The following PIERCE2 variants were observed in gnomAD, a reference collection of about 807,000 sequenced individuals.
PIERCE2 encodes piercer of microtubule wall 2.
chr15:55,416,413 ATTAAT>A, the PIERCE2 span, among the ~76,000 whole-genome samples: 66 of 152,194 alleles, frequency 4.3e-4, no homozygotes, highest in East Asian at 0.013. Context: ...AACTTGTTAT[ATTAAT>A]TTATCAAGCC....
chr15:55,416,412 T>A, the PIERCE2 span, among the ~76,000 whole-genome samples: 2 of 152,172 alleles, frequency 1.3e-5, no homozygotes, highest in African/African-American at 4.8e-5. Context: ...AAACTTGTTA[T>A]ATTAATTTAT....
chr15:55,418,405 T>C, the PIERCE2 span: 1 of 1,532,420 alleles, frequency 6.5e-7, no homozygotes, highest in African/African-American at 1.4e-5. Flanking sequence ...GTCATTATGG[T>C]GAATTTCTAC....
At chr15:55,410,904 A>G in the PIERCE2 span, 17 of 152,310 alleles carry the variant, frequency 1.1e-4, no homozygotes, top group East Asian at 3.1e-3. Flanking sequence ...AATTCTTATG[A>G]TTTACTATTA....
the PIERCE2 span, among the ~76,000 whole-genome samples, chr15:55,417,025 C>T: frequency 8.5e-6 from 1 of 118,038 alleles, no homozygotes; most frequent in Non-Finnish European, 1.9e-5. Flanking sequence ...CTACCACCTA[C>T]TATATATTGT....
the PIERCE2 span, among the ~76,000 whole-genome samples, chr15:55,415,604 G>A: frequency 3.3e-5 from 5 of 152,272 alleles, no homozygotes; most frequent in South Asian, 6.2e-4. Flanking sequence ...GCGTGAGAGA[G>A]TCCTGATCGA....
chr15:55,412,895 C>T, the PIERCE2 span, among the ~76,000 whole-genome samples: 5 of 152,056 alleles, frequency 3.3e-5, no homozygotes, highest in Admixed American at 3.3e-4. Flanking sequence ...TGTGGGAAGC[C>T]AAGGCAGGAG....
chr15:55,410,412 G>C, the PIERCE2 span: 1 of 152,316 alleles, frequency 6.6e-6, no homozygotes, highest in Admixed American at 6.5e-5. Flanking sequence ...TACTCTGGGA[G>C]GCCGAGGCAG....
chr15:55,409,235 G>C, the PIERCE2 span, among the ~76,000 whole-genome samples: 1 of 151,964 alleles, frequency 6.6e-6, no homozygotes, highest in Non-Finnish European at 1.5e-5. Flanking sequence ...GTGAAACTCC[G>C]TCTCTACTAA....
chr15:55,416,111 G>C, the PIERCE2 span, among the ~76,000 whole-genome samples: 1 of 137,552 alleles, frequency 7.3e-6, no homozygotes, highest in Non-Finnish European at 1.7e-5. Context: ...TATATAGAGA[G>C]AGAGAGAGAT....
the PIERCE2 span, chr15:55,411,083 T>G: frequency 2.6e-5 from 4 of 152,214 alleles, no homozygotes; most frequent in African/African-American, 9.6e-5. Flanking sequence ...TAGCAAACCA[T>G]ATTATGCTAA....
the PIERCE2 span, among the ~76,000 whole-genome samples, chr15:55,416,242 C>G: frequency 1.3e-5 from 2 of 152,008 alleles, no homozygotes; most frequent in African/African-American, 4.8e-5. Context: ...GCTGGGACTA[C>G]AGGCACATCC....
chr15:55,408,674 G>A, the PIERCE2 span: 3 of 776,324 alleles, frequency 3.9e-6, no homozygotes, highest in Non-Finnish European at 6.4e-6. Context: ...ATTGGGTGCG[G>A]TTAAAAGGCC....
At chr15:55,418,351 C>CT in the PIERCE2 span, 1 of 1,539,844 alleles carries the variant, frequency 6.5e-7, no homozygotes, top group Non-Finnish European at 8.8e-7. Context: ...AGACAGCCAC[C>CT]TCACTATCAA....
At chr15:55,415,449 T>A in the PIERCE2 span, among the ~76,000 whole-genome samples, 1 of 141,268 alleles carries the variant, frequency 7.1e-6, no homozygotes, top group Non-Finnish European at 1.5e-5. Context: ...AGAGTGAAAC[T>A]TCGTCTCAAA....
the PIERCE2 span, among the ~76,000 whole-genome samples, chr15:55,413,129 A>G: frequency 3.3e-5 from 5 of 152,182 alleles, no homozygotes; most frequent in South Asian, 2.1e-4. Flanking sequence ...TTAGCCGGGC[A>G]CGGTGGCTGG....
chr15:55,418,553 A>C, the PIERCE2 span: 1 of 1,471,180 alleles, frequency 6.8e-7, no homozygotes, highest in Non-Finnish European at 9.1e-7. Flanking sequence ...TTTTCCTAAT[A>C]TTCAACACAC....
At chr15:55,410,957 A>C in the PIERCE2 span, 1 of 152,256 alleles carries the variant, frequency 6.6e-6, no homozygotes, top group African/African-American at 2.4e-5. Flanking sequence ...ATTAATAAGC[A>C]GTTTCAAAAA....
At chr15:55,417,051 G>A in the PIERCE2 span, among the ~76,000 whole-genome samples, 6 of 152,060 alleles carry the variant, frequency 3.9e-5, no homozygotes, top group African/African-American at 1.4e-4. Flanking sequence ...TTACTCACAT[G>A]GACTACTGCA....
At chr15:55,415,788 G>A in the PIERCE2 span, among the ~76,000 whole-genome samples, 2 of 152,146 alleles carry the variant, frequency 1.3e-5, no homozygotes, top group African/African-American at 2.4e-5. Context: ...GTGTAGTGCC[G>A]GGCTGTCTGC....
Sources: gnomAD v4.1 joint callset for allele counts (sites outside exome capture counted in the v4.1 genomes callset) on GRCh38, gnomAD v4.1.1 for gene constraint, MANE v1.5 for transcripts, NCBI Gene and HGNC (gene_info 2026-07-23, HGNC 2026-07-21) for gene names.